Variants in DISC1 observed in about 807,000 individuals in gnomAD.
DISC1 encodes disrupted in schizophrenia 1 protein.
In DISC1, 57 loss-of-function variants were observed where a neutral mutation model predicts 84.5. The observed-to-expected ratio is 0.67, with a 90% CI of 0.55 to 0.84. The LOEUF is 0.84. DISC1 is among the 40% of genes least tolerant of loss of function. The pLI, the probability that DISC1 is intolerant of heterozygous loss-of-function variation, is 0.00. For missense variants in DISC1, 1,000 were observed against 1,057.8 expected (o/e 0.95, Z 0.76); for synonymous variants, 411 against 415.2 (o/e 0.99, Z 0.12).
In DISC1 at chr1:231,692,874, G is replaced by A. The variant is rs192361956; in HGVS notation, c.68-952G>A. 1.7e-3 allele frequency among the ~76,000 whole-genome samples: 264 copies of A among 152,292 alleles called. 1 individual carries two copies. Among genetic ancestry groups the A allele is most frequent in the Middle Eastern group, 3.4e-3 (1 of 294 alleles). On this transcript the variant is annotated intron_variant, in intron 1 of 12. Coordinates refer to ENST00000439617, the MANE Select transcript of DISC1 (RefSeq NM_018662.3). Reference sequence around the variant, plus strand: ...CGGATTGATTCACATGGTTTTGGTCGGGAGTGAATGAAATTAATGTAAATT... The same window carrying A: ...CGGATTGATTCACATGGTTTTGGTCAGGAGTGAATGAAATTAATGTAAATT...
At chr1:231,952,811 T>A (rs1448735143) in intron 9 of DISC1, among the ~76,000 whole-genome samples, 1 of 151,802 alleles carries the variant, frequency 6.6e-6, no homozygotes, top group African/African-American at 2.4e-5. Flanking sequence ...CAATGAGATT[T>A]TCATTTATTG....
chr1:231,686,475 C>T (rs1222121691), intron 1 of DISC1, among the ~76,000 whole-genome samples: 1 of 152,196 alleles, frequency 6.6e-6, no homozygotes, highest in East Asian at 1.9e-4. Flanking sequence ...ACGGCCCGAG[C>T]TCTATGTTGG....
In DISC1 at chr1:231,775,155, G is replaced by C. The variant is rs765942177; in HGVS notation, c.1634+4085G>C. On this transcript the variant is annotated intron_variant, in intron 6 of 12. Coordinates refer to ENST00000439617, the MANE Select transcript of DISC1 (RefSeq NM_018662.3). ...TCACGACTGTTATCATCATCTATAAGGATTTTCATAGAGGCCAGATACAAA... is the reference window on the plus strand; with the variant it reads ...TCACGACTGTTATCATCATCTATAACGATTTTCATAGAGGCCAGATACAAA... Among the ~76,000 whole-genome samples the C allele has an allele frequency of 5.3e-5, 8 of 152,280 alleles. 1 individual carries two copies. Among genetic ancestry groups the C allele is most frequent in the Middle Eastern group, 6.8e-3 (2 of 294 alleles).
At chr1:232,023,324 G>A (rs1340173950) in intron 11 of DISC1, among the ~76,000 whole-genome samples, 6 of 151,930 alleles carry the variant, frequency 3.9e-5, no homozygotes, top group Non-Finnish European at 8.8e-5. Flanking sequence ...TTTATTGTTT[G>A]ACAATTATTT....
At chr1:231,723,264 A>G (rs1225440034) in intron 3 of DISC1, 7 of 974,788 alleles carry the variant, frequency 7.2e-6, no homozygotes, top group African/African-American at 3.5e-5. Context: ...AAGTCTGCCT[A>G]TGAGTAGACT....
intron 9 of DISC1, among the ~76,000 whole-genome samples, chr1:231,935,330 G>T (rs1490610362): frequency 6.6e-6 from 1 of 152,098 alleles, no homozygotes; most frequent in East Asian, 1.9e-4. Flanking sequence ...GGTGTTGGGG[G>T]CGTGGGGCGT....
intron 3 of DISC1, among the ~76,000 whole-genome samples, chr1:231,742,211 A>C (rs990360423): frequency 6.6e-6 from 1 of 151,944 alleles, no homozygotes. Flanking sequence ...TGGCTTTTGC[A>C]CTCTCTGGGA....
chr1:231,715,479 G>T (rs2068565351), intron 3 of DISC1, among the ~76,000 whole-genome samples: 1 of 152,154 alleles, frequency 6.6e-6, no homozygotes, highest in Non-Finnish European at 1.5e-5. Context: ...AGAGACTTTT[G>T]TCTGATCTTT....
Position 232,041,054 on chromosome 1 carries a change from A to C in DISC1, c.*4223A>C, listed in dbSNP as rs1449436289. The C allele has an allele frequency of 1.3e-5, 2 of 152,168 alleles. No individual in the cohort carries two copies. Among genetic ancestry groups the C allele is most frequent in the Non-Finnish European group, 2.9e-5 (2 of 68,036 alleles). The allele number at this position is 152,168 out of a possible 1,614,324, so 9.4% of individuals were successfully genotyped here. A position where few individuals can be genotyped will look rare whatever the true frequency, so the allele number is the denominator to read the frequency against. ...ATATCCTCACCTTATCTAATCTTTG[A>C]ATTTTGTCATGTAATTTATTGCTTC... On this transcript the variant is annotated 3_prime_UTR_variant, in exon 13 of 13. Coordinates refer to ENST00000439617, the MANE Select transcript of DISC1 (RefSeq NM_018662.3).
At chr1:231,912,744 T>G (rs1314353442) in intron 9 of DISC1, among the ~76,000 whole-genome samples, 20 of 2,586 alleles carry the variant, frequency 7.7e-3, no homozygotes, top group Admixed American at 0.047. Flanking sequence ...AGCTTGCTCT[T>G]CTTTCTTTCT....
At chr1:231,655,748 C>G (rs2061007542) in intron 1 of DISC1, among the ~76,000 whole-genome samples, 1 of 152,080 alleles carries the variant, frequency 6.6e-6, no homozygotes, top group African/African-American at 2.4e-5. Context: ...TCACCATATC[C>G]ATGCCAACAT....
Position 232,002,702 on chromosome 1 carries a change from A to G in DISC1, c.2043-6083A>G, listed in dbSNP as rs528204760. Among the ~76,000 whole-genome samples, 6 of 152,152 alleles carry G rather than the reference A, an allele frequency of 3.9e-5. No homozygotes were observed. In the South Asian group the frequency reaches 1.0e-3, roughly 26 times the overall value. Reference sequence around the variant, plus strand: ...TTTATACAACGTTTTTGAAATGACAACATTTTAAAAAGTAGTAACAGACTT... The same window carrying G: ...TTTATACAACGTTTTTGAAATGACAGCATTTTAAAAAGTAGTAACAGACTT... On this transcript the variant is annotated intron_variant, in intron 10 of 12. Transcript: ENST00000439617.
rs114282335 is a variant in DISC1 at position 231,865,123 on chromosome 1, G to A, written c.1981+46606G>A. ...GCCCAGAGAACTCACTCCATTTGCC[G>A]AGGTCCGACAAGTGTGTAGGTGAGC... On this transcript the variant is annotated intron_variant, in intron 9 of 12. Transcript: ENST00000439617. 3.6e-3 allele frequency among the ~76,000 whole-genome samples: 543 copies of A among 152,294 alleles called. 3 individuals carry two copies. Among genetic ancestry groups the A allele is most frequent in the African/African-American group, 0.013 (533 of 41,558 alleles).
chr1:231,809,401 A>ATT (rs11393649), intron 8 of DISC1, among the ~76,000 whole-genome samples: 9 of 148,578 alleles, frequency 6.1e-5, no homozygotes, highest in African/African-American at 7.4e-5. Flanking sequence ...GTTTGGATAT[A>ATT]TTTTTTTTTT....
At chr1:231,641,537 A>T (rs1202863898) in intron 1 of DISC1, among the ~76,000 whole-genome samples, 3 of 152,204 alleles carry the variant, frequency 2.0e-5, no homozygotes, top group African/African-American at 7.2e-5. Flanking sequence ...GGTTTGTTGC[A>T]AACAGCGAAA....
At chr1:231,939,893 C>G (rs890035602) in intron 9 of DISC1, among the ~76,000 whole-genome samples, 7 of 151,906 alleles carry the variant, frequency 4.6e-5, no homozygotes, top group Admixed American at 2.0e-4. Flanking sequence ...CAGGCACGTG[C>G]CACTGTGCCT....
chr1:231,817,870 A>G (rs1205104750), intron 8 of DISC1, among the ~76,000 whole-genome samples: 1 of 152,166 alleles, frequency 6.6e-6, no homozygotes, highest in African/African-American at 2.4e-5. Context: ...AGATGTGCTA[A>G]TTTTCTTGCT....
chr1:231,627,119 C>T (rs1002889304), intron 1 of DISC1, among the ~76,000 whole-genome samples, 185 bp downstream of exon 1: 11 of 152,340 alleles, frequency 7.2e-5, no homozygotes, highest in African/African-American at 2.6e-4. Flanking sequence ...CTTGGGCTGC[C>T]AGCCCGGCAC....
intron 1 of DISC1, among the ~76,000 whole-genome samples, chr1:231,657,872 T>C (rs576239705): frequency 6.6e-6 from 1 of 152,362 alleles, no homozygotes; most frequent in African/African-American, 2.4e-5. Context: ...CCTGCTGTTT[T>C]GGTTACTGTA....
Sources: allele counts gnomAD v4.1 joint callset (sites outside exome capture counted in the v4.1 genomes callset), GRCh38; gene constraint gnomAD v4.1.1; transcripts MANE v1.5; gene names NCBI Gene and HGNC (gene_info 2026-07-23, HGNC 2026-07-21).